Variants in DIP2C observed in about 807,000 individuals in gnomAD.
DIP2C encodes disco-interacting protein 2 homolog C.
Under a neutral mutation model 192.4 loss-of-function variants are expected in DIP2C, and 33 were observed. That is an observed-to-expected ratio of 0.17 (90% CI 0.13 to 0.23). DIP2C has a LOEUF of 0.23. DIP2C is among the 10% of genes least tolerant of loss of function. DIP2C has a pLI of 1.00. For synonymous variants in DIP2C, 979 were observed against 864.1 expected (o/e 1.13, Z -2.33); for missense variants, 1,537 against 2,110.1 (o/e 0.73, Z 5.32).
At chr10:467,386 T>TGGGGGGAGGA (rs1970295249) in intron 3 of DIP2C, among the ~76,000 whole-genome samples, 1 of 9,116 alleles carries the variant, frequency 1.1e-4, no homozygotes, top group African/African-American at 4.4e-4. Flanking sequence ...TGTGGTGGGG[T>TGGGGGGAGGA]GGGGGGAGGT....
intron 18 of DIP2C, among the ~76,000 whole-genome samples, chr10:367,814 C>T (rs924878852): frequency 2.0e-5 from 3 of 152,256 alleles, no homozygotes; most frequent in African/African-American, 7.2e-5. Context: ...CGTATGTACG[C>T]AGTACTCCAT....
At chr10:311,635 AACAC>A in intron 31 of DIP2C, 1 of 1,195,534 alleles carries the variant, frequency 8.4e-7, no homozygotes, top group African/African-American at 1.6e-5. Context: ...CAACACACAC[AACAC>A]ACACAGACAC....
intron 1 of DIP2C, among the ~76,000 whole-genome samples, chr10:548,911 C>CGAAAAAAAA (rs1348217783): frequency 1.1e-4 from 3 of 26,462 alleles, no homozygotes; most frequent in South Asian, 2.3e-3. Context: ...TAGCAGCTCA[C>CGAAAAAAAA]AAAAAAAAAA....
intron 1 of DIP2C, among the ~76,000 whole-genome samples, chr10:585,365 G>T (rs1044161660): frequency 1.3e-5 from 2 of 152,178 alleles, no homozygotes; most frequent in South Asian, 2.1e-4. Context: ...CTCAGAAGAC[G>T]GGTGTTCCCA....
chr10:292,847 G>A (rs1473946266), intron 32 of DIP2C, among the ~76,000 whole-genome samples: 1 of 152,148 alleles, frequency 6.6e-6, no homozygotes, highest in Non-Finnish European at 1.5e-5. Flanking sequence ...TCTCACCCAG[G>A]GGCAAGGAGC....
At chr10:548,464 G>GAGGGAGGC (rs531029893) in intron 1 of DIP2C, among the ~76,000 whole-genome samples, 72 of 144,690 alleles carry the variant, frequency 5.0e-4, no homozygotes, top group African/African-American at 1.8e-3. Flanking sequence ...GGGAGGGAGG[G>GAGGGAGGC]AGGCAGGCAG....
At chr10:442,942 TTG>T (rs1267156527) in intron 3 of DIP2C, among the ~76,000 whole-genome samples, 3 of 152,242 alleles carry the variant, frequency 2.0e-5, no homozygotes, top group African/African-American at 7.2e-5. Context: ...CTCAGCTTTT[TTG>T]TTTCTTGAAA....
chr10:392,409 G>T (rs1341128380), intron 10 of DIP2C, among the ~76,000 whole-genome samples: 1 of 152,160 alleles, frequency 6.6e-6, no homozygotes, highest in Non-Finnish European at 1.5e-5. Context: ...GTCCGCCCGT[G>T]ATTTAATCCC....
At chr10:393,888 G>A (rs1011237618) in intron 10 of DIP2C, among the ~76,000 whole-genome samples, 1 of 149,258 alleles carries the variant, frequency 6.7e-6, no homozygotes, top group Non-Finnish European at 1.5e-5. Flanking sequence ...TGGTTACAAC[G>A]TGTTTATCAA....
intron 1 of DIP2C, among the ~76,000 whole-genome samples, chr10:596,474 C>T (rs919287601): frequency 9.5e-5 from 11 of 116,318 alleles, no homozygotes; most frequent in Non-Finnish European, 1.6e-4. Context: ...TCAGCCTGGG[C>T]GACCAGTGCG....
At chr10:648,960 T>A (rs1339595875) in intron 1 of DIP2C, among the ~76,000 whole-genome samples, 1 of 148,464 alleles carries the variant, frequency 6.7e-6, no homozygotes, top group Non-Finnish European at 1.5e-5. Context: ...TGAGTCCACG[T>A]CCACATTTGA....
chr10:545,313 C>T (rs1269111008), intron 1 of DIP2C, among the ~76,000 whole-genome samples: 1 of 151,906 alleles, frequency 6.6e-6, no homozygotes, highest in Non-Finnish European at 1.5e-5. Context: ...ACTACAGGCA[C>T]CTGCCACAAC....
intron 8 of DIP2C, among the ~76,000 whole-genome samples, 191 bp from the exon 9 acceptor site, chr10:409,208 G>T (rs1204054854): frequency 6.6e-6 from 1 of 151,934 alleles, no homozygotes; most frequent in Non-Finnish European, 1.5e-5. Flanking sequence ...AAGTAGAAAA[G>T]CATCAGGGAT....
intron 1 of DIP2C, among the ~76,000 whole-genome samples, chr10:682,152 G>T (rs1325822029): frequency 6.6e-6 from 1 of 152,266 alleles, no homozygotes; most frequent in East Asian, 1.9e-4. Context: ...TCTTCCCAGA[G>T]CAACGGCCGC....
chr10:350,476 T>C (rs1958737092), intron 24 of DIP2C, among the ~76,000 whole-genome samples: 1 of 152,116 alleles, frequency 6.6e-6, no homozygotes, highest in Admixed American at 6.5e-5. Flanking sequence ...AGACGGCTTC[T>C]ACAGTCATTT....
chr10:532,396 G>A (rs1847423193), intron 1 of DIP2C, among the ~76,000 whole-genome samples: 1 of 152,210 alleles, frequency 6.6e-6, no homozygotes, highest in Admixed American at 6.5e-5. Context: ...GGTGGTCCCA[G>A]CAAAACTGGC....
intron 1 of DIP2C, among the ~76,000 whole-genome samples, chr10:678,861 C>T (rs1488200889): frequency 3.1e-5 from 3 of 97,982 alleles, no homozygotes; most frequent in African/African-American, 4.9e-5. Context: ...CATCTCTGCT[C>T]CCCACGCCCA....
intron 9 of DIP2C, among the ~76,000 whole-genome samples, chr10:406,153 G>T (rs1964792354): frequency 6.6e-6 from 1 of 152,158 alleles, no homozygotes; most frequent in Admixed American, 6.5e-5. Context: ...TACTATGAAA[G>T]AATTTTTAAA....
intron 1 of DIP2C, among the ~76,000 whole-genome samples, chr10:597,749 A>G (rs1851801291): frequency 6.6e-6 from 1 of 152,190 alleles, no homozygotes; most frequent in Non-Finnish European, 1.5e-5. Context: ...TCATGTTTTT[A>G]TACAAAATAA....
Sources: allele counts gnomAD v4.1 joint callset (sites outside exome capture counted in the v4.1 genomes callset), GRCh38; gene constraint gnomAD v4.1.1; transcripts MANE v1.5; gene names NCBI Gene and HGNC (gene_info 2026-07-23, HGNC 2026-07-21).